ARHGAP22: variants seen among roughly 807,000 people sequenced by gnomAD.
ARHGAP22 encodes rho GTPase-activating protein 22.
A neutral mutation model predicts 59.1 loss-of-function variants in ARHGAP22; 48 were observed. The observed-to-expected ratio is 0.81, with a 90% CI of 0.64 to 1.03. The LOEUF (loss-of-function observed/expected upper bound fraction) is 1.03. Among genes scored for constraint, ARHGAP22 ranks in the 50% least tolerant of loss-of-function variants. ARHGAP22 has a pLI of 0.00. For synonymous variants in ARHGAP22, 445 were observed against 416.4 expected, an observed-to-expected ratio of 1.07 and a Z score of -0.84; for missense variants, 1,015 against 958.7, an observed-to-expected ratio of 1.06 and a Z score of -0.78.
At chr10:48,645,352 A>T (rs2062248499) in intron 1 of ARHGAP22, among the ~76,000 whole-genome samples, 1 of 152,226 alleles carries the variant, frequency 6.6e-6, no homozygotes, top group Non-Finnish European at 1.5e-5. Context: ...TCATTAACAT[A>T]CATAAAAATG....
chr10:48,512,447 G>A (rs1388649669), intron 3 of ARHGAP22, among the ~76,000 whole-genome samples: 1 of 152,236 alleles, frequency 6.6e-6, no homozygotes, highest in Non-Finnish European at 1.5e-5. Flanking sequence ...CATAGAAAGT[G>A]CTTAAAACAG....
chr10:48,558,477 C>G (rs2057466663), intron 2 of ARHGAP22, among the ~76,000 whole-genome samples: 1 of 152,120 alleles, frequency 6.6e-6, no homozygotes, highest in Non-Finnish European at 1.5e-5. Flanking sequence ...AGCCTCCCAC[C>G]TCGACCTCTA....
intron 1 of ARHGAP22, among the ~76,000 whole-genome samples, chr10:48,592,816 C>T (rs1231902251): frequency 6.6e-6 from 1 of 152,210 alleles, no homozygotes; most frequent in African/African-American, 2.4e-5. Flanking sequence ...ATTCCCTGCT[C>T]CCAGCTGCTT....
At chr10:48,571,611 C>T (rs1221312819) in intron 2 of ARHGAP22, among the ~76,000 whole-genome samples, 1 of 152,196 alleles carries the variant, frequency 6.6e-6, no homozygotes, top group Non-Finnish European at 1.5e-5. Context: ...GTACTCATTC[C>T]TAAATTGTTT....
At chr10:48,549,820 A>G (rs1404045932) in intron 3 of ARHGAP22, among the ~76,000 whole-genome samples, 3 of 152,040 alleles carry the variant, frequency 2.0e-5, no homozygotes, top group Non-Finnish European at 2.9e-5. Context: ...GTCCCCCACT[A>G]TCTCTACACC....
At chr10:48,588,507 C>T (rs536141952) in intron 1 of ARHGAP22, among the ~76,000 whole-genome samples, 24 of 152,310 alleles carry the variant, frequency 1.6e-4, no homozygotes, top group African/African-American at 5.5e-4. Context: ...TTAAACCAGG[C>T]CTCAAGTCAA....
At chr10:48,482,640 C>A (rs760035537) in intron 3 of ARHGAP22, among the ~76,000 whole-genome samples, 4 of 151,916 alleles carry the variant, frequency 2.6e-5, no homozygotes, top group Non-Finnish European at 4.4e-5. Flanking sequence ...TTCTAATTTG[C>A]TGAGAGGTTT....
intron 4 of ARHGAP22, among the ~76,000 whole-genome samples, chr10:48,466,277 C>A (rs941293707): frequency 8.8e-4 from 134 of 152,196 alleles, no homozygotes; most frequent in African/African-American, 2.8e-3. Context: ...GCGCCCCCCC[C>A]CAGACTCTAA....
chr10:48,582,930 C>A (rs1184577033), intron 2 of ARHGAP22, 23 bp downstream of exon 2: 2 of 1,612,844 alleles, frequency 1.2e-6, no homozygotes, highest in Non-Finnish European at 1.7e-6. Context: ...ATGCCCACGG[C>A]ACACCGGACA....
Position 48,446,450 on chromosome 10 carries a change from A to C in ARHGAP22, c.2038T>G (p.Phe680Val), listed in dbSNP as rs1589379265. 6.2e-7 allele frequency: 1 copy of C among 1,613,074 alleles called. No individual in the cohort carries two copies. The highest frequency in any genetic ancestry group is 8.5e-7 in the Non-Finnish European group (1 of 1,179,770). ...GTCAAGCTTCCTAGGGTCGAAAAAA[A>C]CTCCTCCATTTCCCTCTGCAACAGC... ...NQLLQREMEEFFSTLGSLTVG... is the reference protein window; with the variant it reads ...NQLLQREMEEVFSTLGSLTVG... Residue 680 changes from phenylalanine to valine, a missense_variant, in exon 10 of 10, where the codon TTT becomes GTT. Physicochemically the swap from Phe to Val is conservative, Grantham distance 50 (BLOSUM62 -1). Coordinates refer to ENST00000249601, the MANE Select transcript of ARHGAP22 (RefSeq NM_021226.4).
intron 1 of ARHGAP22, among the ~76,000 whole-genome samples, chr10:48,588,451 G>A (rs998718764): frequency 2.6e-5 from 4 of 152,140 alleles, no homozygotes; most frequent in African/African-American, 9.7e-5. Flanking sequence ...CTGCTGTTCC[G>A]GTCTTCAGCA....
intron 2 of ARHGAP22, among the ~76,000 whole-genome samples, chr10:48,578,930 T>G (rs2058936118): frequency 6.6e-6 from 1 of 152,124 alleles, no homozygotes; most frequent in African/African-American, 2.4e-5. Context: ...TTCTTTTGCT[T>G]TTTAATCTTT....
intron 8 of ARHGAP22, among the ~76,000 whole-genome samples, chr10:48,452,009 C>T (rs986682750): frequency 6.6e-6 from 1 of 152,048 alleles, no homozygotes; most frequent in Non-Finnish European, 1.5e-5. Context: ...CCCCAAATTC[C>T]CCCATACACA....
chr10:48,650,693 T>C (rs2062523721), intron 1 of ARHGAP22, among the ~76,000 whole-genome samples: 1 of 152,204 alleles, frequency 6.6e-6, no homozygotes, highest in African/African-American at 2.4e-5. Context: ...AAGAATTTAT[T>C]TCATCATAGA....
intron 3 of ARHGAP22, among the ~76,000 whole-genome samples, chr10:48,541,038 G>A (rs2055882123): frequency 6.6e-6 from 1 of 152,080 alleles, no homozygotes; most frequent in Non-Finnish European, 1.5e-5. Context: ...CACAGATTCT[G>A]TTTGAGGTGG....
At chr10:48,493,830 G>A (rs10745277) in intron 3 of ARHGAP22, among the ~76,000 whole-genome samples, 39,414 of 152,096 alleles carry the variant, frequency 0.26, 5,285 homozygotes, top group South Asian at 0.36. Context: ...CTGAGGTGGG[G>A]GGAGTGTCCA....
intron 3 of ARHGAP22, among the ~76,000 whole-genome samples, chr10:48,550,499 G>A (rs2056817038): frequency 6.6e-6 from 1 of 152,200 alleles, no homozygotes; most frequent in South Asian, 2.1e-4. Context: ...TCTGGCCAAT[G>A]GGCTGTGACG....
the ARHGAP22 span, chr10:48,436,001 C>T: frequency 3.3e-5 from 5 of 152,158 alleles, no homozygotes; most frequent in African/African-American, 1.2e-4. Flanking sequence ...TTTCCTGTTT[C>T]CTATTACTTG....
intron 1 of ARHGAP22, among the ~76,000 whole-genome samples, chr10:48,589,381 T>G (rs552489755): frequency 1.8e-4 from 28 of 152,304 alleles, no homozygotes; most frequent in Admixed American, 9.2e-4. Flanking sequence ...ATCCTGCTGT[T>G]GCCCAGGGTT....
Sources: gnomAD v4.1 joint callset for allele counts (sites outside exome capture counted in the v4.1 genomes callset) on GRCh38, gnomAD v4.1.1 for gene constraint, MANE v1.5 for transcripts, NCBI Gene and HGNC (gene_info 2026-07-23, HGNC 2026-07-21) for gene names.